INSYN2A: variants seen among roughly 807,000 people sequenced by gnomAD.
The protein encoded by INSYN2A is family with sequence similarity 196 member A.
In INSYN2A, 17 loss-of-function variants were observed where a neutral mutation model predicts 39.4. That is an observed-to-expected ratio of 0.43 (90% CI 0.30 to 0.65). INSYN2A has a LOEUF of 0.65. Ranked by LOEUF, INSYN2A falls within the 30% of genes least tolerant of loss-of-function variation. INSYN2A has a pLI of 0.14. For synonymous variants in INSYN2A, 255 were observed against 265.7 expected (o/e 0.96, Z 0.39); for missense variants, 595 against 631.2 (o/e 0.94, Z 0.61).
intron 4 of INSYN2A, among the ~76,000 whole-genome samples, chr10:127,159,488 C>T (rs1007095625): frequency 2.0e-5 from 3 of 151,974 alleles, no homozygotes; most frequent in Non-Finnish European, 4.4e-5. Flanking sequence ...ATATAACATA[C>T]CTGAATTTTT....
intron 2 of INSYN2A, among the ~76,000 whole-genome samples, chr10:127,182,301 T>C (rs972219925): frequency 6.6e-6 from 1 of 152,104 alleles, no homozygotes; most frequent in South Asian, 2.1e-4. Flanking sequence ...AAAACACTCT[T>C]AACGAACAAA....
At chr10:127,181,928 C>T (rs981020110) in intron 2 of INSYN2A, among the ~76,000 whole-genome samples, 4 of 152,134 alleles carry the variant, frequency 2.6e-5, no homozygotes, top group African/African-American at 9.7e-5. Flanking sequence ...ATTCATTATC[C>T]GGTTTAATTT....
At chr10:127,166,897 G>A (rs1260285667) in intron 4 of INSYN2A, among the ~76,000 whole-genome samples, 2 of 152,002 alleles carry the variant, frequency 1.3e-5, no homozygotes, top group East Asian at 1.9e-4. Flanking sequence ...TGGCTCGGTG[G>A]TGAGGCTTTT....
At chr10:127,141,652 C>T (rs771034167) in intron 5 of INSYN2A, among the ~76,000 whole-genome samples, 3 of 151,024 alleles carry the variant, frequency 2.0e-5, no homozygotes, top group Non-Finnish European at 2.9e-5. Flanking sequence ...CCCTGGGTGA[C>T]AGAGTGAGAC....
chr10:127,156,273 G>A (rs962757941), intron 4 of INSYN2A, among the ~76,000 whole-genome samples: 2 of 152,126 alleles, frequency 1.3e-5, no homozygotes, highest in Non-Finnish European at 2.9e-5. Flanking sequence ...GGAGCATACA[G>A]TCACACTTCA....
At chr10:127,144,359 C>A (rs986667227) in intron 5 of INSYN2A, among the ~76,000 whole-genome samples, 1 of 152,184 alleles carries the variant, frequency 6.6e-6, no homozygotes, top group Non-Finnish European at 1.5e-5. Flanking sequence ...AGCATTGTCT[C>A]TAGGTTTCCA....
In INSYN2A at chr10:127,176,128, C is replaced by T. The variant is rs1486536927; in HGVS notation, c.268G>A (p.Val90Met). Residue 90 changes from valine to methionine, a missense_variant, in exon 4 of 6, where the codon GTG becomes ATG. By Grantham distance (21) the Val-to-Met change is conservative (BLOSUM62 1). Coordinates refer to ENST00000522781, the MANE Select transcript of INSYN2A (RefSeq NM_001039762.3). The surrounding 1 kb of genome is among the most constrained non-coding windows in gnomAD (Gnocchi z 4.4). ...TTGGGGATGGACCTGCGTGCGGGCA[C>T]TGTCATGTATTTGCGGTAGGCTGCT... ...CRAAYRKYMT[V>M]PARRSIPNVT... 2.5e-6 allele frequency: 4 copies of T among 1,614,000 alleles called. No homozygotes were observed. Among genetic ancestry groups the T allele is most frequent in the South Asian group, 1.1e-5 (1 of 91,086 alleles).
At chr10:127,178,066 G>C (rs2055348699) in intron 2 of INSYN2A, among the ~76,000 whole-genome samples, 1 of 152,102 alleles carries the variant, frequency 6.6e-6, no homozygotes, top group Non-Finnish European at 1.5e-5. Context: ...ATGACAGGCC[G>C]AGGTGCACGG....
chr10:127,193,927 C>T (rs1000651693), intron 1 of INSYN2A, among the ~76,000 whole-genome samples: 1 of 152,148 alleles, frequency 6.6e-6, no homozygotes, highest in Non-Finnish European at 1.5e-5. Flanking sequence ...CAGCTTTTGC[C>T]TTGTTAGCCT....
chr10:127,189,975 G>T (rs1048015585), intron 2 of INSYN2A, among the ~76,000 whole-genome samples: 1 of 152,188 alleles, frequency 6.6e-6, no homozygotes. Flanking sequence ...CTTCTCTCAT[G>T]CTGGCCCGAT....
intron 5 of INSYN2A, among the ~76,000 whole-genome samples, chr10:127,152,615 G>A (rs1183248): frequency 0.044 from 6,719 of 152,284 alleles, 195 homozygotes; most frequent in Non-Finnish European, 0.071. Flanking sequence ...TTGGTTGTGG[G>A]GGTTGCCCTG....
chr10:127,174,852 C>A (rs757719321), intron 4 of INSYN2A, among the ~76,000 whole-genome samples: 7 of 152,174 alleles, frequency 4.6e-5, no homozygotes, highest in Admixed American at 4.6e-4. Context: ...TCCTGATTCT[C>A]TTCTTATTTA....
intron 4 of INSYN2A, among the ~76,000 whole-genome samples, chr10:127,162,837 G>A (rs1278166626): frequency 6.6e-6 from 1 of 152,164 alleles, no homozygotes; most frequent in Non-Finnish European, 1.5e-5. Flanking sequence ...CTGTGCTGGG[G>A]AACAGTTGCT....
chr10:127,138,067 A>G (rs1462839406), intron 5 of INSYN2A, 47 bp from the exon 6 acceptor site: 4 of 1,514,964 alleles, frequency 2.6e-6, no homozygotes, highest in South Asian at 1.3e-5. Flanking sequence ...TCTTTTCCAT[A>G]TGAAGATCCC....
At chr10:127,188,047 G>C (rs2056440169) in intron 2 of INSYN2A, among the ~76,000 whole-genome samples, 1 of 152,152 alleles carries the variant, frequency 6.6e-6, no homozygotes, top group Admixed American at 6.5e-5. Context: ...ACTGAACGAA[G>C]GGCTTAATGA....
At chr10:127,192,000 T>C (rs752693943) in intron 2 of INSYN2A, among the ~76,000 whole-genome samples, 12 of 152,260 alleles carry the variant, frequency 7.9e-5, no homozygotes, top group South Asian at 2.1e-4. Context: ...TATTAAGGGC[T>C]GAACTGGAAT....
intron 2 of INSYN2A, among the ~76,000 whole-genome samples, chr10:127,178,034 C>T (rs191657119): frequency 1.1e-4 from 16 of 152,272 alleles, no homozygotes; most frequent in African/African-American, 3.9e-4. Flanking sequence ...CTCCCCACAT[C>T]CTTAGCCCTT....
chr10:127,148,694 T>C (rs929007555), intron 5 of INSYN2A, among the ~76,000 whole-genome samples: 3 of 152,222 alleles, frequency 2.0e-5, no homozygotes, highest in African/African-American at 7.2e-5. Context: ...AGAAGAAATT[T>C]CAGCTGCTTA....
At chr10:127,140,512 G>A (rs1291997821) in intron 5 of INSYN2A, among the ~76,000 whole-genome samples, 2 of 152,164 alleles carry the variant, frequency 1.3e-5, no homozygotes, top group Non-Finnish European at 2.9e-5. Flanking sequence ...GATGACGCCC[G>A]TGCACCAGCC....
Sources: allele counts gnomAD v4.1 joint callset (sites outside exome capture counted in the v4.1 genomes callset), GRCh38; gene constraint gnomAD v4.1.1; non-coding constraint Gnocchi (gnomAD v3.1); transcripts MANE v1.5; gene names NCBI Gene and HGNC (gene_info 2026-07-23, HGNC 2026-07-21).